ZBTB20: variants seen among roughly 807,000 people sequenced by gnomAD.
ZBTB20 encodes zinc finger and BTB domain containing 20.
In ZBTB20, 9 loss-of-function variants were observed where a neutral mutation model predicts 56.9. The observed-to-expected ratio is 0.16, with a 90% CI of 0.10 to 0.28. The LOEUF is 0.28. Among genes scored for constraint, ZBTB20 ranks in the 10% least tolerant of loss-of-function variants. ZBTB20 has a pLI of 1.00. For missense variants in ZBTB20, 655 were observed against 1,003.0 expected, an observed-to-expected ratio of 0.65 and a Z score of 4.69; for synonymous variants, 417 against 420.7, an observed-to-expected ratio of 0.99 and a Z score of 0.11.
chr3:114,406,677 T>C (rs2087358617), intron 7 of ZBTB20, among the ~76,000 whole-genome samples: 1 of 152,116 alleles, frequency 6.6e-6, no homozygotes, highest in African/African-American at 2.4e-5. Context: ...TTCTAAGGTG[T>C]TTGTACTCCT....
intron 7 of ZBTB20, among the ~76,000 whole-genome samples, chr3:114,498,988 T>C (rs1198208118): frequency 6.6e-6 from 1 of 152,232 alleles, no homozygotes; most frequent in Non-Finnish European, 1.5e-5. Flanking sequence ...ACAGAGCTAT[T>C]ATGTGAACTG....
chr3:115,036,371 C>T (rs921658501), intron 2 of ZBTB20, among the ~76,000 whole-genome samples: 7 of 151,850 alleles, frequency 4.6e-5, no homozygotes, highest in African/African-American at 1.7e-4. Context: ...GCGATCTCGG[C>T]TCACTGTAAC....
At chr3:114,894,554 A>C (rs1330548347) in intron 4 of ZBTB20, among the ~76,000 whole-genome samples, 1 of 152,206 alleles carries the variant, frequency 6.6e-6, no homozygotes, top group East Asian at 1.9e-4. Flanking sequence ...ATCGAGTTAA[A>C]ATAATGCAAT....
intron 6 of ZBTB20, among the ~76,000 whole-genome samples, chr3:114,508,491 T>C (rs1371917769): frequency 1.3e-5 from 2 of 152,112 alleles, no homozygotes; most frequent in Non-Finnish European, 2.9e-5. Flanking sequence ...CCAACTCTTA[T>C]AAGCAAAGCA....
chr3:114,507,899 G>A (rs372195038), intron 6 of ZBTB20, among the ~76,000 whole-genome samples: 11 of 152,046 alleles, frequency 7.2e-5, no homozygotes, highest in South Asian at 4.1e-4. Context: ...TGGTGCTCAC[G>A]TTTTTTATTC....
At chr3:114,790,666 G>A (rs568947294) in intron 5 of ZBTB20, among the ~76,000 whole-genome samples, 2 of 150,846 alleles carry the variant, frequency 1.3e-5, no homozygotes, top group South Asian at 4.2e-4. Context: ...AAACACTGAA[G>A]ACCTATCTGG....
At chr3:114,806,937 GA>G (rs2072149108) in intron 4 of ZBTB20, among the ~76,000 whole-genome samples, 1 of 151,792 alleles carries the variant, frequency 6.6e-6, no homozygotes, top group Non-Finnish European at 1.5e-5. Context: ...AAAATATGAT[GA>G]ATTTTCTGAA....
chr3:114,520,033 C>G (rs946365624), intron 6 of ZBTB20: 1 of 151,714 alleles, frequency 6.6e-6, no homozygotes, highest in African/African-American at 2.4e-5. Flanking sequence ...AAAAAAGAAT[C>G]TCAGAGAGCA....
intron 4 of ZBTB20, among the ~76,000 whole-genome samples, chr3:114,806,696 T>G (rs547845885): frequency 6.6e-6 from 1 of 152,020 alleles, no homozygotes; most frequent in African/African-American, 2.4e-5. Flanking sequence ...GATTTTCTCC[T>G]GTTTTCTTCT....
At chr3:114,450,106 T>G (rs1465053677) in intron 7 of ZBTB20, among the ~76,000 whole-genome samples, 1 of 152,148 alleles carries the variant, frequency 6.6e-6, no homozygotes, top group African/African-American at 2.4e-5. Flanking sequence ...TAAACTCAGC[T>G]CTCGCCTTTT....
At chr3:114,371,379 G>T (rs1482133178) in intron 10 of ZBTB20, among the ~76,000 whole-genome samples, 5 of 152,196 alleles carry the variant, frequency 3.3e-5, no homozygotes, top group African/African-American at 1.2e-4. Context: ...ACTCACTGTA[G>T]TGACAGGCAC....
intron 5 of ZBTB20, among the ~76,000 whole-genome samples, chr3:114,735,505 G>A (rs2066084274): frequency 6.6e-6 from 1 of 152,024 alleles, no homozygotes; most frequent in Non-Finnish European, 1.5e-5. Context: ...CTTAAGAACA[G>A]TATTTTTATA....
intron 7 of ZBTB20, among the ~76,000 whole-genome samples, chr3:114,429,027 T>C (rs2089926086): frequency 6.6e-6 from 1 of 152,072 alleles, no homozygotes; most frequent in African/African-American, 2.4e-5. Context: ...GAGAGATCTA[T>C]AGATATAGAT....
At chr3:114,951,275 C>T (rs2107911858) in intron 3 of ZBTB20, among the ~76,000 whole-genome samples, 1 of 151,940 alleles carries the variant, frequency 6.6e-6, no homozygotes, top group Non-Finnish European at 1.5e-5. Context: ...GCTACTTAGC[C>T]TTAAATATGG....
chr3:114,537,712 A>C (rs750020093), intron 6 of ZBTB20, among the ~76,000 whole-genome samples: 1 of 152,220 alleles, frequency 6.6e-6, no homozygotes, highest in Non-Finnish European at 1.5e-5. Context: ...CACTATTCAC[A>C]GTGGTAAAGA....
chr3:114,864,254 A>G (rs1349425771), intron 4 of ZBTB20, among the ~76,000 whole-genome samples: 1 of 152,088 alleles, frequency 6.6e-6, no homozygotes, highest in Non-Finnish European at 1.5e-5. Context: ...CTTCATATAT[A>G]TGTCCATTGA....
intron 7 of ZBTB20, among the ~76,000 whole-genome samples, chr3:114,469,933 T>G (rs973760989): frequency 6.6e-6 from 1 of 152,104 alleles, no homozygotes. Flanking sequence ...TCACCATAAA[T>G]TAAAGAGGCA....
intron 6 of ZBTB20, among the ~76,000 whole-genome samples, chr3:114,501,245 T>G (rs1434888999): frequency 1.3e-5 from 2 of 152,214 alleles, no homozygotes; most frequent in Non-Finnish European, 2.9e-5. Flanking sequence ...AAATTTCAGA[T>G]GAAATGATGA....
chr3:114,605,947 A>T lies in ZBTB20; in HGVS notation c.-295+87581T>A, dbSNP rs181882578. 1.1e-4 allele frequency among the ~76,000 whole-genome samples: 17 copies of T among 152,334 alleles called. No homozygotes were observed. The East Asian group carries it at 1.9e-3, about 17-fold the overall frequency. ...AAGAAATGAGTTTTCAGGCCCATCCAGATTGTGATGGAAGCACTACTTTAG... is the reference window on the plus strand; with the variant it reads ...AAGAAATGAGTTTTCAGGCCCATCCTGATTGTGATGGAAGCACTACTTTAG... On this transcript the variant is annotated intron_variant, in intron 6 of 11. Transcript: ENST00000675478.
Sources: allele counts gnomAD v4.1 joint callset (sites outside exome capture counted in the v4.1 genomes callset), GRCh38; gene constraint gnomAD v4.1.1; transcripts MANE v1.5; gene names NCBI Gene and HGNC (gene_info 2026-07-23, HGNC 2026-07-21).